SLC12A7: variants seen among roughly 807,000 people sequenced by gnomAD.
SLC12A7 encodes solute carrier family 12 member 7.
Under a neutral mutation model 120.6 loss-of-function variants are expected in SLC12A7, and 100 were observed. The observed-to-expected ratio is 0.83, with a 90% confidence interval of 0.71 to 0.98. The LOEUF (loss-of-function observed/expected upper bound fraction) is 0.98. Ranked by LOEUF, SLC12A7 falls within the 50% of genes least tolerant of loss-of-function variation. The probability of loss-of-function intolerance (pLI) is 0.00; values close to 1 mark genes in which losing one functional copy is unlikely to be tolerated. For synonymous variants in SLC12A7, 760 were observed against 678.0 expected (o/e 1.12, Z -1.88); for missense variants, 1,373 against 1,548.1 (o/e 0.89, Z 1.90).
At chr5:1,061,048 A>C (rs865827958) in intron 20 of SLC12A7, among the ~76,000 whole-genome samples, 1,368 of 119,644 alleles carry the variant, frequency 0.011, 41 homozygotes, top group African/African-American at 0.047. Context: ...GGGATCCCTG[A>C]GTCTCACCCG....
At position 1,074,564 on chromosome 5, in the gene SLC12A7, C is replaced by T. The variant is rs372116597; in HGVS notation, c.2072+3G>A. 1.2e-5 allele frequency: 19 copies of T among 1,610,666 alleles called. No individual in the cohort carries two copies. The highest frequency in any genetic ancestry group is 1.4e-5 in the Non-Finnish European group (17 of 1,178,474). On this transcript the variant is annotated splice_donor_region_variant and intron_variant, in intron 16 of 23. Transcript: ENST00000264930. Reference sequence around the variant, plus strand: ...AGGACCACGGGGCATGGGCGGTGCTCACCTCCAGTTCTTGGTGTGGGGGGG... The same window carrying T: ...AGGACCACGGGGCATGGGCGGTGCTTACCTCCAGTTCTTGGTGTGGGGGGG...
chr5:1,056,556 G>A (rs903099561), intron 22 of SLC12A7: 21 of 984,410 alleles, frequency 2.1e-5, no homozygotes, highest in African/African-American at 1.6e-4. Flanking sequence ...CCCGGAAGGC[G>A]ACCTGGTTGT....
chr5:1,073,471 C>G (rs1737933856), intron 17 of SLC12A7, among the ~76,000 whole-genome samples, 162 bp downstream of exon 17: 1 of 152,236 alleles, frequency 6.6e-6, no homozygotes, highest in Non-Finnish European at 1.5e-5. Context: ...GCTCCCAGGC[C>G]TTAGCGCGCT....
intron 1 of SLC12A7, among the ~76,000 whole-genome samples, chr5:1,109,151 C>A (rs779437908): frequency 6.6e-6 from 1 of 152,168 alleles, no homozygotes; most frequent in Non-Finnish European, 1.5e-5. Context: ...GGGACCTTGA[C>A]AGAGGCTCTG....
At chr5:1,073,406 C>A (rs1416181886) in intron 17 of SLC12A7, among the ~76,000 whole-genome samples, 1 of 152,232 alleles carries the variant, frequency 6.6e-6, no homozygotes, top group Non-Finnish European at 1.5e-5. Context: ...CCAGGGTTCG[C>A]CCTTGGAAAG....
chr5:1,052,497 G>C, intron 23 of SLC12A7, 46 bp from the exon 24 acceptor site: 1 of 1,499,030 alleles, frequency 6.7e-7, no homozygotes. Flanking sequence ...ACCTGAGCGT[G>C]TGTAGCTGAA....
chr5:1,138,408 C>G, the SLC12A7 span, among the ~76,000 whole-genome samples: 1 of 152,168 alleles, frequency 6.6e-6, no homozygotes. Flanking sequence ...CATTTACAAA[C>G]CTTTAGCTAC....
intron 22 of SLC12A7, among the ~76,000 whole-genome samples, chr5:1,053,861 C>T (rs1056858330): frequency 6.6e-6 from 1 of 152,226 alleles, no homozygotes; most frequent in African/African-American, 2.4e-5. Flanking sequence ...CTGACGCCTT[C>T]AAGGCTGACA....
intron 17 of SLC12A7, among the ~76,000 whole-genome samples, 180 bp downstream of exon 17, chr5:1,073,453 C>T (rs190607531): frequency 6.6e-5 from 10 of 152,350 alleles, no homozygotes; most frequent in East Asian, 1.9e-4. Context: ...TCCCGGGGTG[C>T]GGCTGGTGCT....
the SLC12A7 span, among the ~76,000 whole-genome samples, chr5:1,139,070 G>T: frequency 7.5e-5 from 4 of 53,034 alleles, no homozygotes; most frequent in African/African-American, 5.5e-4. Context: ...CTTGGGGTGG[G>T]GGGGGGGCTC....
chr5:1,083,126 A>G (rs1014051786), intron 8 of SLC12A7, among the ~76,000 whole-genome samples: 150 of 129,422 alleles, frequency 1.2e-3, no homozygotes, highest in South Asian at 1.9e-3. Flanking sequence ...GGGCTTCCCC[A>G]TCTCGGGTTC....
At chr5:1,113,424 C>G (rs1743184361), upstream of SLC12A7, among the ~76,000 whole-genome samples, 1 of 152,210 alleles carries the variant, frequency 6.6e-6, no homozygotes, top group African/African-American at 2.4e-5. Context: ...TAAAGCCAGT[C>G]ATGCCCTGGG....
the SLC12A7 span, among the ~76,000 whole-genome samples, chr5:1,134,638 G>A: frequency 2.0e-5 from 3 of 152,204 alleles, no homozygotes; most frequent in African/African-American, 7.2e-5. Context: ...TTAATAGAAT[G>A]ACCCTCTGAC....
the SLC12A7 span, among the ~76,000 whole-genome samples, chr5:1,118,621 G>A: frequency 1.3e-5 from 2 of 152,250 alleles, no homozygotes; most frequent in African/African-American, 4.8e-5. Flanking sequence ...TAGACCGGGG[G>A]ATGCCTCTTG....
Position 1,051,222 on chromosome 5 carries a change from C to A in SLC12A7, c.*1138G>T. On this transcript the variant is annotated 3_prime_UTR_variant, in exon 24 of 24. Transcript: ENST00000264930. ...CCGCCGCCTCCATGCAAGGCACAGG[C>A]CATGGCAGGGGACGCCCGGGACTCA... 3.1e-6 allele frequency: 1 copy of A among 320,200 alleles called. No individual in the cohort carries two copies. The highest frequency in any genetic ancestry group is 4.7e-5 in the East Asian group (1 of 21,212). The allele number at this position is 320,200 out of a possible 1,614,324, so 19.8% of individuals were successfully genotyped here.
intron 13 of SLC12A7, 81 bp downstream of exon 13, chr5:1,076,613 T>A (rs1373792690): frequency 9.6e-7 from 1 of 1,037,708 alleles, no homozygotes; most frequent in Non-Finnish European, 1.5e-6. Context: ...CTGCTTGTCC[T>A]GAGCAGGACC....
chr5:1,129,438 A>G, the SLC12A7 span, among the ~76,000 whole-genome samples: 1 of 152,136 alleles, frequency 6.6e-6, no homozygotes, highest in Non-Finnish European at 1.5e-5. Flanking sequence ...GGCCAGAGAA[A>G]GTTCCGGGCT....
At chr5:1,128,614 C>T in the SLC12A7 span, among the ~76,000 whole-genome samples, 1 of 152,244 alleles carries the variant, frequency 6.6e-6, no homozygotes, top group Non-Finnish European at 1.5e-5. Flanking sequence ...ACAGGCTCAG[C>T]AGGTGCGGTG....
intron 5 of SLC12A7, among the ~76,000 whole-genome samples, 194 bp from the exon 6 acceptor site, chr5:1,087,227 G>A (rs1340838098): frequency 2.6e-5 from 4 of 152,148 alleles, no homozygotes; most frequent in African/African-American, 4.8e-5. Flanking sequence ...CTCGGCACAC[G>A]TTCCACACCA....
Sources: allele counts gnomAD v4.1 joint callset (sites outside exome capture counted in the v4.1 genomes callset), GRCh38; gene constraint gnomAD v4.1.1; transcripts MANE v1.5; gene names NCBI Gene and HGNC (gene_info 2026-07-23, HGNC 2026-07-21).